Variants in POLA1 observed in about 807,000 individuals in gnomAD.
POLA1 encodes the protein DNA polymerase alpha catalytic subunit.
Under a neutral mutation model 124.0 loss-of-function variants are expected in POLA1, and 15 were observed. That is an observed-to-expected ratio of 0.12 (90% confidence interval 0.08 to 0.19). The LOEUF is 0.19. Among genes scored for constraint, POLA1 ranks in the 10% least tolerant of loss-of-function variants. The pLI, the probability that POLA1 is intolerant of heterozygous loss-of-function variation, is 1.00. For missense variants in POLA1, 886 were observed against 1,103.4 expected, an observed-to-expected ratio of 0.80 and a Z score of 2.79; for synonymous variants, 408 against 389.4, an observed-to-expected ratio of 1.05 and a Z score of -0.56.
chrX:24,970,801 C>G (rs1177779626), intron 36 of POLA1, among the ~76,000 whole-genome samples: 3 of 111,769 alleles, frequency 2.7e-5, no homozygotes, highest in African/African-American at 6.5e-5. Flanking sequence ...TTAAAACTAA[C>G]TTGATCTTGT....
chrX:24,694,080 G>A, intron 1 of POLA1, 76 bp downstream of exon 1: 2 of 968,224 alleles, frequency 2.1e-6, no homozygotes, highest in Non-Finnish European at 2.8e-6. Context: ...TTCTGAGGGA[G>A]GCGCACACCC....
At chrX:24,737,334 C>T (rs192145877) in intron 18 of POLA1, among the ~76,000 whole-genome samples, 64 of 110,875 alleles carry the variant, frequency 5.8e-4, no homozygotes, top group African/African-American at 1.9e-3. Flanking sequence ...CCTCCGAGAC[C>T]GTAAGGCATG....
At chrX:24,872,434 T>A (rs2046878274) in intron 34 of POLA1, among the ~76,000 whole-genome samples, 1 of 111,734 alleles carries the variant, frequency 8.9e-6, no homozygotes, top group South Asian at 3.7e-4. Context: ...AAAAGAAGAC[T>A]TGGGTAAATG....
chrX:24,963,195 G>A (rs1389915974), intron 36 of POLA1, among the ~76,000 whole-genome samples: 1 of 111,795 alleles, frequency 8.9e-6, no homozygotes, highest in Non-Finnish European at 1.9e-5. Flanking sequence ...CAGTTCTAAA[G>A]ATTATATACA....
chrX:24,967,680 A>G (rs1268284272), intron 36 of POLA1, among the ~76,000 whole-genome samples: 6 of 100,435 alleles, frequency 6.0e-5, no homozygotes, highest in Non-Finnish European at 1.2e-4. Flanking sequence ...AAAGAAAAAA[A>G]GAAATTGGAT....
intron 4 of POLA1, among the ~76,000 whole-genome samples, chrX:24,708,987 C>T (rs1213760677): frequency 2.2e-5 from 2 of 90,588 alleles, no homozygotes; most frequent in African/African-American, 7.6e-5. Flanking sequence ...CCTCACCTCC[C>T]GGACGGGGCG....
chrX:24,850,579 A>G (rs1243201596), intron 34 of POLA1, among the ~76,000 whole-genome samples: 1 of 111,693 alleles, frequency 9.0e-6, no homozygotes. Flanking sequence ...GCTCAGATCT[A>G]GAGCATGATT....
intron 36 of POLA1, among the ~76,000 whole-genome samples, chrX:24,932,103 T>G (rs2047791917): frequency 8.9e-6 from 1 of 112,164 alleles, no homozygotes. Flanking sequence ...TTCACCTTGT[T>G]GGCCAGGCTG....
At chrX:24,846,713 C>CT in intron 34 of POLA1, among the ~76,000 whole-genome samples, 1 of 111,584 alleles carries the variant, frequency 9.0e-6, no homozygotes, top group Non-Finnish European at 1.9e-5. Flanking sequence ...ATGAAGAGGG[C>CT]TTTTTTTAAG....
chrX:24,698,290 G>A (rs1928164823), intron 1 of POLA1, among the ~76,000 whole-genome samples: 1 of 111,916 alleles, frequency 8.9e-6, no homozygotes, highest in East Asian at 2.8e-4. Context: ...GATGATCGGA[G>A]CATGAATAAT....
intron 35 of POLA1, among the ~76,000 whole-genome samples, chrX:24,902,004 GCA>G (rs781587090): frequency 1.4e-4 from 15 of 104,791 alleles, no homozygotes; most frequent in South Asian, 4.0e-4. Context: ...GCATGTGCGT[GCA>G]CACACACACA....
chrX:24,880,726 G>A (rs1157074923), intron 34 of POLA1, among the ~76,000 whole-genome samples: 1 of 111,592 alleles, frequency 9.0e-6, no homozygotes, highest in Admixed American at 9.6e-5. Context: ...TATCTATAAG[G>A]AGACCCATTT....
intron 26 of POLA1, among the ~76,000 whole-genome samples, chrX:24,802,526 T>C (rs192481212): frequency 8.9e-6 from 1 of 111,949 alleles, no homozygotes; most frequent in African/African-American, 3.2e-5. Context: ...TACATTTTAT[T>C]ATAGAAAGAA....
intron 35 of POLA1, 70 bp from the exon 36 acceptor site, chrX:24,930,383 T>C (rs2047757854): frequency 5.7e-6 from 4 of 698,475 alleles, no homozygotes; most frequent in Non-Finnish European, 9.1e-6. Context: ...GGATACACTC[T>C]GCTGAGAGTG....
rs1002605755 is a variant in POLA1 at position 24,860,167 on chromosome X, C to G, written c.4047+16490C>G. Among the ~76,000 whole-genome samples the G allele has an allele frequency of 4.4e-5, 5 of 112,480 alleles. No individual in the cohort carries two copies. The Admixed American group carries it at 4.7e-4, about 11-fold the overall frequency. The stretch of plus-strand genomic sequence containing the variant: ...TTCTCTTAAAACTAGTCAGTCATAT[C>G]TTTTTCCTATTAACACCATAATTAA... On this transcript the variant is annotated intron_variant, in intron 34 of 36. Coordinates refer to ENST00000379068, the MANE Select transcript of POLA1 (RefSeq NM_001330360.2).
intron 36 of POLA1, among the ~76,000 whole-genome samples, chrX:24,950,065 T>C (rs1170674157): frequency 8.9e-6 from 1 of 112,277 alleles, no homozygotes; most frequent in African/African-American, 3.2e-5. Flanking sequence ...TCACGTGTCC[T>C]TTGTCCTCTT....
In POLA1 at chrX:24,809,988, G is replaced by A. The variant is rs750686576; in HGVS notation, c.2997+58G>A. The A allele has an allele frequency of 8.2e-6, 6 of 733,098 alleles. No individual in the cohort carries two copies. In the South Asian group the frequency reaches 1.3e-4, roughly 16 times the overall value. 60.4% of individuals were successfully genotyped at this position (733,098 alleles called of 1,213,427 possible). A position where few individuals can be genotyped will look rare whatever the true frequency, so the allele number is the denominator to read the frequency against. On this transcript the variant is annotated intron_variant, in intron 27 of 36. Transcript: ENST00000379068. ...AAATATCATAACTGGTAACGTTTTT[G>A]TATTCAAGGAAAATTGTAACCCAAA... is the stretch of plus-strand genomic sequence containing the variant.
At chrX:24,857,950 A>G (rs1217218253) in intron 34 of POLA1, among the ~76,000 whole-genome samples, 1 of 111,812 alleles carries the variant, frequency 8.9e-6, no homozygotes, top group Non-Finnish European at 1.9e-5. Flanking sequence ...GTACCACTGA[A>G]TAGTTAACAT....
chrX:24,964,865 G>A (rs1040905233), intron 36 of POLA1, among the ~76,000 whole-genome samples: 11 of 112,101 alleles, frequency 9.8e-5, no homozygotes, highest in African/African-American at 3.2e-4. Flanking sequence ...AGGCATTATT[G>A]CTATTTCACC....
Sources: allele counts gnomAD v4.1 joint callset (sites outside exome capture counted in the v4.1 genomes callset), GRCh38; gene constraint gnomAD v4.1.1; transcripts MANE v1.5; gene names NCBI Gene and HGNC (gene_info 2026-07-23, HGNC 2026-07-21).